The following ADAMTS17 variants were observed in gnomAD, a reference collection of about 807,000 sequenced individuals.
ADAMTS17 encodes the protein ADAM metallopeptidase with thrombospondin type 1 motif 17.
In ADAMTS17, 113 loss-of-function variants were observed where a neutral mutation model predicts 141.5. The ratio of observed to expected loss-of-function variants is 0.80; its 90% CI spans 0.69 to 0.93. The LOEUF (loss-of-function observed/expected upper bound fraction) is 0.93, where lower values mean the gene tolerates loss of function less well. Among genes scored for constraint, ADAMTS17 ranks in the 40% least tolerant of loss-of-function variants. The probability of loss-of-function intolerance (pLI) is 0.00; values close to 1 mark genes in which losing one functional copy is unlikely to be tolerated. For missense variants in ADAMTS17, 1,659 were observed against 1,517.9 expected, an observed-to-expected ratio of 1.09 and a Z score of -1.54; for synonymous variants, 768 against 630.6, an observed-to-expected ratio of 1.22 and a Z score of -3.27.
chr15:100,258,084 T>C lies in ADAMTS17; in HGVS notation c.1031+3395A>G, dbSNP rs114431356. ...TTTAAGGCTGAGTAATATTCCCTTG[T>C]ACATATACAGCATATCTGTTTACCC... On this transcript the variant is annotated intron_variant, in intron 6 of 21. Coordinates refer to ENST00000268070, the MANE Select transcript of ADAMTS17 (RefSeq NM_139057.4). Among the ~76,000 whole-genome samples, 1,267 of 152,356 alleles carry C rather than the reference T, an allele frequency of 8.3e-3. 18 individuals are homozygous for C. The highest frequency in any genetic ancestry group is 0.028 in the African/African-American group (1,170 of 41,576).
rs1453635022 is a variant in ADAMTS17 at position 100,292,171 on chromosome 15, T to C, written c.617-10770A>G. 3.3e-3 allele frequency among the ~76,000 whole-genome samples: 316 copies of C among 95,958 alleles called. 3 individuals are homozygous for C. Among genetic ancestry groups the C allele is most frequent in the East Asian group, 9.0e-3 (26 of 2,894 alleles). 63.0% of individuals were successfully genotyped at this position (95,958 alleles called of 152,430 possible). On this transcript the variant is annotated intron_variant, in intron 3 of 21. Coordinates refer to ENST00000268070, the MANE Select transcript of ADAMTS17 (RefSeq NM_139057.4). ...GAGACACGCTCACCCCGTGGGAAAC[T>C]ACGAGACACGCTCACCCCGTGGGGA...
intron 10 of ADAMTS17, among the ~76,000 whole-genome samples, chr15:100,140,858 A>T (rs897600396): frequency 5.3e-5 from 8 of 152,094 alleles, no homozygotes; most frequent in African/African-American, 1.4e-4. Flanking sequence ...GCTCAGCGAC[A>T]TGCCGTTCCC....
At chr15:100,176,685 A>G (rs1382952279) in intron 8 of ADAMTS17, among the ~76,000 whole-genome samples, 1 of 136,518 alleles carries the variant, frequency 7.3e-6, no homozygotes, top group Non-Finnish European at 1.6e-5. Context: ...CAATTATATC[A>G]CGTGTGTATC....
chr15:100,284,546 G>A (rs529472216), intron 3 of ADAMTS17, among the ~76,000 whole-genome samples: 13 of 152,132 alleles, frequency 8.5e-5, no homozygotes, highest in Non-Finnish European at 1.5e-4. Flanking sequence ...CCTTTCCAAC[G>A]CAAGTGTCCT....
intron 3 of ADAMTS17, among the ~76,000 whole-genome samples, chr15:100,283,198 G>A (rs372821830): frequency 5.3e-5 from 8 of 152,166 alleles, no homozygotes; most frequent in South Asian, 2.1e-4. Context: ...CCTGCAGGAT[G>A]GGCCTCCTCC....
intron 7 of ADAMTS17, among the ~76,000 whole-genome samples, chr15:100,217,482 C>T (rs565713246): frequency 6.6e-6 from 1 of 152,194 alleles, no homozygotes; most frequent in South Asian, 2.1e-4. Context: ...GCCTATATTC[C>T]CAGCTACTCG....
At chr15:100,337,253 C>T (rs555442055) in intron 2 of ADAMTS17, among the ~76,000 whole-genome samples, 1 of 152,356 alleles carries the variant, frequency 6.6e-6, no homozygotes, top group African/African-American at 2.4e-5. Flanking sequence ...CTCAAGTGGA[C>T]TGGAATAGCT....
chr15:100,239,025 G>A (rs1449677300), intron 7 of ADAMTS17, among the ~76,000 whole-genome samples: 1 of 152,210 alleles, frequency 6.6e-6, no homozygotes, highest in Non-Finnish European at 1.5e-5. Context: ...AGGAGATGGA[G>A]CTTGCAGTGA....
intron 7 of ADAMTS17, among the ~76,000 whole-genome samples, chr15:100,238,838 A>C (rs2042739906): frequency 6.6e-6 from 1 of 152,216 alleles, no homozygotes; most frequent in South Asian, 2.1e-4. Flanking sequence ...TAATTCCAGC[A>C]CTTTGGGAGG....
intron 8 of ADAMTS17, among the ~76,000 whole-genome samples, chr15:100,158,377 A>C (rs1256703766): frequency 6.6e-6 from 1 of 152,222 alleles, no homozygotes; most frequent in African/African-American, 2.4e-5. Context: ...GGCACCAAAA[A>C]AATTCTTTTT....
At chr15:99,999,943 C>T (rs952137877) in intron 18 of ADAMTS17, among the ~76,000 whole-genome samples, 1 of 152,200 alleles carries the variant, frequency 6.6e-6, no homozygotes, top group African/African-American at 2.4e-5. Context: ...TCACTCTATC[C>T]TCAGGCTTCT....
At chr15:100,048,271 C>T (rs538523663) in intron 18 of ADAMTS17, among the ~76,000 whole-genome samples, 3 of 152,102 alleles carry the variant, frequency 2.0e-5, no homozygotes, top group Admixed American at 6.6e-5. Context: ...ATTAAAGTCC[C>T]GCTAAAATGA....
rs76170792 is a variant in ADAMTS17 at position 100,187,258 on chromosome 15, C to A, written c.1181+12060G>T. On this transcript the variant is annotated intron_variant, in intron 8 of 21. Transcript: ENST00000268070. ...CGTGCCCACTGTGTTCAAATGGGGG[C>A]ATCTTTACAACCCTTTGCAAATCCC... Among the ~76,000 whole-genome samples, 394 of 152,320 alleles carry A rather than the reference C, an allele frequency of 2.6e-3. 4 individuals carry two copies. Among genetic ancestry groups the A allele is most frequent in the African/African-American group, 8.9e-3 (368 of 41,572 alleles).
At chr15:100,312,856 ATCTAGGGTGACC>A (rs2045447499) in intron 3 of ADAMTS17, among the ~76,000 whole-genome samples, 1 of 152,208 alleles carries the variant, frequency 6.6e-6, no homozygotes, top group South Asian at 2.1e-4. Context: ...GGGATGTGCA[ATCTAGGGTGACC>A]TCCATTAAGT....
intron 9 of ADAMTS17, among the ~76,000 whole-genome samples, chr15:100,154,375 C>A (rs79153015): frequency 2.0e-5 from 3 of 152,048 alleles, no homozygotes; most frequent in African/African-American, 7.2e-5. Flanking sequence ...GAACAAGGAA[C>A]GTCATGAAAA....
chr15:100,032,108 A>G (rs1023825891), intron 18 of ADAMTS17, among the ~76,000 whole-genome samples: 57 of 152,126 alleles, frequency 3.7e-4, no homozygotes, highest in Admixed American at 3.1e-3. Flanking sequence ...ACGGGTATCA[A>G]AGGTTTAGTT....
intron 6 of ADAMTS17, among the ~76,000 whole-genome samples, chr15:100,260,844 C>G (rs1191952260): frequency 6.6e-6 from 1 of 151,946 alleles, no homozygotes; most frequent in East Asian, 1.9e-4. Context: ...TAATAAAAAG[C>G]TGGTATTTTT....
intron 2 of ADAMTS17, among the ~76,000 whole-genome samples, chr15:100,332,788 A>G (rs1002705798): frequency 2.0e-5 from 3 of 152,354 alleles, no homozygotes; most frequent in African/African-American, 7.2e-5. Flanking sequence ...TTAAGGAAGA[A>G]AACAGCAATG....
chr15:100,149,884 C>T (rs1309601725), intron 10 of ADAMTS17, among the ~76,000 whole-genome samples: 2 of 152,200 alleles, frequency 1.3e-5, no homozygotes, highest in Non-Finnish European at 2.9e-5. Context: ...CCAGTGTGCA[C>T]AGTCACTGCT....
Sources: allele counts gnomAD v4.1 joint callset (sites outside exome capture counted in the v4.1 genomes callset), GRCh38; gene constraint gnomAD v4.1.1; transcripts MANE v1.5; gene names NCBI Gene and HGNC (gene_info 2026-07-23, HGNC 2026-07-21).